CCDC138: variants seen among roughly 807,000 people sequenced by gnomAD.
CCDC138 encodes the protein coiled-coil domain-containing protein 138.
Under a neutral mutation model 82.3 loss-of-function variants are expected in CCDC138, and 66 were observed. The ratio of observed to expected loss-of-function variants is 0.80; its 90% CI spans 0.66 to 0.98. CCDC138 has a LOEUF of 0.98. Ranked by LOEUF, CCDC138 falls within the 50% of genes least tolerant of loss-of-function variation. The pLI is 0.00. For synonymous variants in CCDC138, 297 were observed against 265.4 expected (o/e 1.12, Z -1.16); for missense variants, 816 against 758.9 (o/e 1.08, Z -0.88).
At position 108,812,654 on chromosome 2, in the gene CCDC138, C is replaced by T. The variant is rs1558656770; in HGVS notation, c.879C>T (p.Asn293=). 6.2e-7 allele frequency: 1 copy of T among 1,612,558 alleles called. No homozygotes were observed. Among genetic ancestry groups the T allele is most frequent in the Non-Finnish European group, 8.5e-7 (1 of 1,178,792 alleles). The part of the protein sequence containing the change: ...KKQLNEASEE[N]RKIDIQAKRV... ...AGTTAAATGAAGCAAGTGAAGAAAA[C>T]AGGAAGATAGACATTCAGGCTAAAA... is the stretch of plus-strand genomic sequence containing the variant. The change falls in exon 8 of 15, where the codon AAC becomes AAT. Residue 293 remains asparagine, a synonymous_variant. Coordinates refer to ENST00000295124, the MANE Select transcript of CCDC138 (RefSeq NM_144978.3).
chr2:108,864,608 T>C (rs1043158354), intron 13 of CCDC138, among the ~76,000 whole-genome samples: 13 of 152,068 alleles, frequency 8.5e-5, no homozygotes, highest in Non-Finnish European at 1.8e-4. Flanking sequence ...GCAGCCTGGC[T>C]AACATGGTGA....
chr2:108,805,925 G>C (rs1302042762), intron 7 of CCDC138, among the ~76,000 whole-genome samples: 1 of 152,114 alleles, frequency 6.6e-6, no homozygotes, highest in Non-Finnish European at 1.5e-5. Flanking sequence ...TGTTGGAGCA[G>C]AAATTGGAGT....
At chr2:108,812,744 G>A (rs1368645749) in intron 8 of CCDC138, 36 bp downstream of exon 8, 1 of 1,609,186 alleles carries the variant, frequency 6.2e-7, no homozygotes, top group Non-Finnish European at 8.5e-7. Context: ...ACAGAAGTAT[G>A]TTTTTAGATG....
chr2:108,808,885 T>A (rs1003194803), intron 7 of CCDC138, among the ~76,000 whole-genome samples: 2 of 152,208 alleles, frequency 1.3e-5, no homozygotes, highest in Non-Finnish European at 2.9e-5. Flanking sequence ...ATCCATAGTA[T>A]CTTTGCCCAG....
chr2:108,811,165 T>A (rs1683762539), intron 7 of CCDC138, among the ~76,000 whole-genome samples: 1 of 147,734 alleles, frequency 6.8e-6, no homozygotes, highest in Non-Finnish European at 1.5e-5. Flanking sequence ...CCTACCCCCC[T>A]AACCCTGCCT....
At chr2:108,814,811 T>C (rs2149888991) in intron 9 of CCDC138, among the ~76,000 whole-genome samples, 1 of 152,034 alleles carries the variant, frequency 6.6e-6, no homozygotes, top group African/African-American at 2.4e-5. Context: ...AATTTTTATA[T>C]TTTTAGTAGA....
At chr2:108,788,767 A>G in intron 2 of CCDC138, 85 bp from the exon 3 acceptor site, 2 of 1,498,956 alleles carry the variant, frequency 1.3e-6, no homozygotes, top group Non-Finnish European at 1.8e-6. Flanking sequence ...TTTTAAAAAT[A>G]GTATTATTTA....
chr2:108,805,028 A>G lies in CCDC138; in HGVS notation c.855+20A>G. 7.6e-7 allele frequency: 1 copy of G among 1,322,042 alleles called. No individual in the cohort carries two copies. Among genetic ancestry groups the G allele is most frequent in the Non-Finnish European group, 1.0e-6 (1 of 983,524 alleles). 81.9% of individuals were successfully genotyped at this position (1,322,042 alleles called of 1,614,324 possible). On this transcript the variant is annotated intron_variant, in intron 7 of 14. Coordinates refer to ENST00000295124, the MANE Select transcript of CCDC138 (RefSeq NM_144978.3). The stretch of plus-strand genomic sequence containing the variant: ...AAACAGGTAAGACCTGTTTTAATAT[A>G]TACTGAACATAAGACATTCTAAGAA...
intron 12 of CCDC138, 85 bp downstream of exon 12, chr2:108,847,015 T>G: frequency 1.3e-6 from 1 of 783,012 alleles, no homozygotes; most frequent in Non-Finnish European, 2.1e-6. Flanking sequence ...TCAAATATGT[T>G]GTACATTTTC....
At chr2:108,882,166 A>T (rs1696308249) in intron 1 of CCDC138, 1 of 152,578 alleles carries the variant, frequency 6.6e-6, no homozygotes, top group African/African-American at 2.4e-5. Flanking sequence ...AAAAAAAAAA[A>T]AGAAAAAATA....
intron 5 of CCDC138, 98 bp from the exon 6 acceptor site, chr2:108,798,330 G>C (rs1681253556): frequency 1.4e-6 from 2 of 1,395,222 alleles, no homozygotes; most frequent in African/African-American, 2.9e-5. Context: ...CTGTATTCCT[G>C]AAAACCACTT....
intron 1 of CCDC138, among the ~76,000 whole-genome samples, chr2:108,787,143 G>C (rs1558954091): frequency 6.6e-6 from 1 of 152,212 alleles, no homozygotes; most frequent in Non-Finnish European, 1.5e-5. Flanking sequence ...CTGGTATACT[G>C]GGCATGGTGT....
rs1266828355 is a variant in CCDC138 at position 108,823,424 on chromosome 2, G to A, written c.1206+7319G>A. Among the ~76,000 whole-genome samples the A allele has an allele frequency of 2.6e-5, 4 of 152,320 alleles. No homozygotes were observed. In the South Asian group the frequency reaches 6.2e-4, roughly 24 times the overall value. On this transcript the variant is annotated intron_variant, in intron 10 of 14. Transcript: ENST00000295124. ...ACTGAATTCAACAGTACAGTCATGT[G>A]TTGCTTAACAATAGGACCACATTCT... is the stretch of plus-strand genomic sequence containing the variant.
At chr2:108,845,729 G>T (rs1483732722) in intron 11 of CCDC138, among the ~76,000 whole-genome samples, 3 of 151,864 alleles carry the variant, frequency 2.0e-5, no homozygotes, top group Non-Finnish European at 4.4e-5. Flanking sequence ...CCGCCACCAC[G>T]CCTGGCTATT....
chr2:108,832,428 A>G lies in CCDC138; in HGVS notation c.1207-6757A>G, dbSNP rs184598346. Among the ~76,000 whole-genome samples, 14 of 143,610 alleles carry G rather than the reference A, an allele frequency of 9.7e-5. No individual in the cohort carries two copies. The East Asian group carries it at 2.3e-3, about 24-fold the overall frequency. The allele number at this position is 143,610 out of a possible 152,430, so 94.2% of individuals were successfully genotyped here. A position where few individuals can be genotyped will look rare whatever the true frequency, so the allele number is the denominator to read the frequency against. On this transcript the variant is annotated intron_variant, in intron 10 of 14. Transcript: ENST00000295124. ...AATGGTGTGATCTCGGCTCACCGCA[A>G]CCTCTGCCTCCCAAGTTCAAGCGAT...
intron 10 of CCDC138, among the ~76,000 whole-genome samples, chr2:108,821,447 G>C (rs1445199542): frequency 6.6e-6 from 1 of 152,134 alleles, no homozygotes; most frequent in Non-Finnish European, 1.5e-5. Context: ...TGGCATTATT[G>C]ATGTAAAATA....
chr2:108,788,388 C>T (rs1679291696), intron 2 of CCDC138, among the ~76,000 whole-genome samples: 1 of 148,232 alleles, frequency 6.7e-6, no homozygotes, highest in Non-Finnish European at 1.5e-5. Context: ...CCACTACACT[C>T]CAGCCTGGGC....
chr2:108,862,369 CTTCACAGGCTGGGA>C (rs1693776244), intron 13 of CCDC138, among the ~76,000 whole-genome samples: 1 of 152,106 alleles, frequency 6.6e-6, no homozygotes, highest in Non-Finnish European at 1.5e-5. Flanking sequence ...CCTCAGGGAT[CTTCACAGGCTGGGA>C]GGTAGTGTCA....
chr2:108,794,801 A>G (rs1450959027), intron 5 of CCDC138, 80 bp downstream of exon 5: 3 of 627,962 alleles, frequency 4.8e-6, no homozygotes, highest in African/African-American at 2.0e-5. Flanking sequence ...TGAATATAAT[A>G]TATTTCATTT....
Sources: allele counts gnomAD v4.1 joint callset (sites outside exome capture counted in the v4.1 genomes callset), GRCh38; gene constraint gnomAD v4.1.1; transcripts MANE v1.5; gene names NCBI Gene and HGNC (gene_info 2026-07-23, HGNC 2026-07-21).